The following SMG6 variants were observed in gnomAD, a reference collection of about 807,000 sequenced individuals.
SMG6 encodes telomerase-binding protein EST1A.
SMG6 carries 66 observed loss-of-function variants against 142.2 expected under a neutral mutation model. The ratio of observed to expected loss-of-function variants is 0.46; its 90% CI spans 0.38 to 0.57. The LOEUF is 0.57. Ranked by LOEUF, SMG6 falls within the 20% of genes least tolerant of loss-of-function variation. SMG6 has a pLI of 0.00. For missense variants in SMG6, 1,793 were observed against 1,832.0 expected (o/e 0.98, Z 0.39); for synonymous variants, 779 against 702.4 (o/e 1.11, Z -1.72).
At chr17:2,232,824 T>A (rs1364455531) in intron 10 of SMG6, 1 of 152,146 alleles carries the variant, frequency 6.6e-6, no homozygotes, top group African/African-American at 2.4e-5. Flanking sequence ...GGGGGGCAAA[T>A]CTGGCCTCAC....
intron 14 of SMG6, among the ~76,000 whole-genome samples, chr17:2,083,656 G>A (rs1336023164): frequency 1.3e-5 from 2 of 152,224 alleles, no homozygotes; most frequent in Non-Finnish European, 2.9e-5. Context: ...TCACTTCCTT[G>A]TTCATGAGGT....
chr17:2,274,393 C>T (rs1221671883), intron 8 of SMG6, among the ~76,000 whole-genome samples: 1 of 152,128 alleles, frequency 6.6e-6, no homozygotes, highest in East Asian at 1.9e-4. Context: ...TCAGGGGCAA[C>T]TGCATTAAAT....
At chr17:2,297,030 A>T (rs2075156931) in intron 4 of SMG6, among the ~76,000 whole-genome samples, 1 of 151,802 alleles carries the variant, frequency 6.6e-6, no homozygotes, top group Non-Finnish European at 1.5e-5. Context: ...AAAAAAAGAA[A>T]GAAAGAAAGA....
intron 13 of SMG6, among the ~76,000 whole-genome samples, chr17:2,145,280 ATTTT>A (rs113435292): frequency 7.3e-6 from 1 of 136,094 alleles, no homozygotes; most frequent in African/African-American, 2.7e-5. Context: ...CACCCAGCTA[ATTTT>A]TTTTTTTTTT....
At chr17:2,094,584 C>T (rs1312898281) in intron 13 of SMG6, among the ~76,000 whole-genome samples, 3 of 151,958 alleles carry the variant, frequency 2.0e-5, no homozygotes, top group Non-Finnish European at 2.9e-5. Flanking sequence ...CTTTGTTGCC[C>T]GGGCTGCTCT....
At position 2,297,903 on chromosome 17, in the gene SMG6, G is replaced by A; in HGVS notation, c.2000C>T (p.Pro667Leu). Reference protein sequence around the residue: ...QLVKDPNVENPEQIRNRLLEL... With the variant: ...QLVKDPNVENLEQIRNRLLEL... ...CAAAAGTCTGTTCCGAATCTGTTCT[G>A]GGTTCTCAACATTCGGATCCTTGAC... Residue 667 changes from proline to leucine, a missense_variant, in exon 3 of 19, where the codon CCA becomes CTA. Physicochemically the swap from Pro to Leu is moderately conservative, Grantham distance 98. Coordinates refer to ENST00000263073, the MANE Select transcript of SMG6 (RefSeq NM_017575.5). 1 of 1,612,646 alleles carries A rather than the reference G, an allele frequency of 6.2e-7. No individual in the cohort carries two copies. The highest frequency in any genetic ancestry group is 8.5e-7 in the Non-Finnish European group (1 of 1,180,024).
intron 8 of SMG6, among the ~76,000 whole-genome samples, chr17:2,274,665 G>C (rs1372426007): frequency 6.6e-6 from 1 of 152,202 alleles, no homozygotes. Flanking sequence ...GGTTTGACAA[G>C]AGCTTGGCCA....
intron 16 of SMG6, among the ~76,000 whole-genome samples, chr17:2,067,283 T>C (rs1329601865): frequency 1.3e-5 from 2 of 152,112 alleles, no homozygotes; most frequent in Non-Finnish European, 2.9e-5. Flanking sequence ...TTTCACCGGA[T>C]CAAGAACAAG....
intron 9 of SMG6, among the ~76,000 whole-genome samples, chr17:2,244,146 G>T (rs184341505): frequency 6.6e-6 from 1 of 152,324 alleles, no homozygotes; most frequent in East Asian, 1.9e-4. Flanking sequence ...TGATGAAACC[G>T]TAAGAGGCTT....
Position 2,298,007 on chromosome 17 carries a change from C to T in SMG6, c.1896G>A (p.Glu632=), listed in dbSNP as rs780560567. Reference sequence around the variant, plus strand: ...GATCCACATTCTGATTATCAGAGAACTCAATATCTAATAGAATACAGCGCT... The same window carrying T: ...GATCCACATTCTGATTATCAGAGAATTCAATATCTAATAGAATACAGCGCT... ...LYERCILLDI[E]FSDNQNVDQI... Residue 632 remains glutamate (E), a synonymous_variant, in exon 3 of 19, where the codon GAG becomes GAA. Transcript: ENST00000263073. The T allele has an allele frequency of 6.2e-7, 1 of 1,613,044 alleles. No individual in the cohort carries two copies. The highest frequency in any genetic ancestry group is 8.5e-7 in the Non-Finnish European group (1 of 1,180,002).
At chr17:2,180,111 G>T (rs8079281) in intron 12 of SMG6, among the ~76,000 whole-genome samples, 1,878 of 152,288 alleles carry the variant, frequency 0.012, 41 homozygotes, top group African/African-American at 0.042. Flanking sequence ...TCAGGTCCAT[G>T]AAGCCTGTCG....
intron 13 of SMG6, among the ~76,000 whole-genome samples, chr17:2,096,768 CAAGA>C (rs2068867439): frequency 6.6e-6 from 1 of 152,162 alleles, no homozygotes; most frequent in African/African-American, 2.4e-5. Context: ...CAAGACAAGA[CAAGA>C]CAAGACAAGA....
chr17:2,104,052 A>C (rs2069085712), intron 13 of SMG6, among the ~76,000 whole-genome samples: 1 of 151,862 alleles, frequency 6.6e-6, no homozygotes, highest in South Asian at 2.1e-4. Context: ...CCCAGGTTCA[A>C]GTCATTCTCC....
intron 13 of SMG6, among the ~76,000 whole-genome samples, chr17:2,149,330 A>G (rs2070757632): frequency 8.0e-6 from 1 of 125,716 alleles, no homozygotes. Flanking sequence ...ACCCTGGGTG[A>G]CAGAGCGAGA....
intron 10 of SMG6, among the ~76,000 whole-genome samples, chr17:2,198,478 C>T (rs755374205): frequency 2.1e-4 from 32 of 152,202 alleles, no homozygotes; most frequent in East Asian, 9.6e-4. Context: ...CACACACACA[C>T]GCACACAAGT....
At chr17:2,227,777 A>G (rs1014703405) in intron 10 of SMG6, among the ~76,000 whole-genome samples, 2 of 152,240 alleles carry the variant, frequency 1.3e-5, no homozygotes, top group African/African-American at 2.4e-5. Flanking sequence ...GATGATGCAT[A>G]TAACTCTCAA....
At chr17:2,113,016 C>T (rs1195299262) in intron 13 of SMG6, among the ~76,000 whole-genome samples, 1 of 151,940 alleles carries the variant, frequency 6.6e-6, no homozygotes, top group African/African-American at 2.4e-5. Context: ...CCTCAGCTTC[C>T]CAAAGTGCTG....
intron 13 of SMG6, among the ~76,000 whole-genome samples, chr17:2,144,329 C>T (rs1044207581): frequency 2.6e-5 from 4 of 151,986 alleles, no homozygotes; most frequent in African/African-American, 9.7e-5. Flanking sequence ...GGCCTCCCAA[C>T]ATGCTGCGGT....
chr17:2,256,719 G>A (rs1349211110), intron 8 of SMG6, among the ~76,000 whole-genome samples: 1 of 152,186 alleles, frequency 6.6e-6, no homozygotes, highest in African/African-American at 2.4e-5. Flanking sequence ...AGATTGCAGT[G>A]AGCCGTGATG....
Sources: gnomAD v4.1 joint callset for allele counts (sites outside exome capture counted in the v4.1 genomes callset) on GRCh38, gnomAD v4.1.1 for gene constraint, MANE v1.5 for transcripts, NCBI Gene and HGNC (gene_info 2026-07-23, HGNC 2026-07-21) for gene names.